The following CCDC191 variants were observed in gnomAD, a reference collection of about 807,000 sequenced individuals.
CCDC191 encodes coiled-coil domain-containing protein 191.
CCDC191 carries 99 observed loss-of-function variants against 114.0 expected under a neutral mutation model. The observed-to-expected ratio is 0.87, with a 90% CI of 0.74 to 1.03. The LOEUF (loss-of-function observed/expected upper bound fraction) is 1.03. CCDC191 is among the 50% of genes least tolerant of loss of function. CCDC191 has a pLI of 0.00. For missense variants in CCDC191, 973 were observed against 1,087.0 expected (o/e 0.90, Z 1.47); for synonymous variants, 351 against 376.0 (o/e 0.93, Z 0.77).
chr3:114,019,163 A>T (rs2076209121), intron 7 of CCDC191, among the ~76,000 whole-genome samples: 1 of 152,220 alleles, frequency 6.6e-6, no homozygotes. Flanking sequence ...CTATGACATG[A>T]ACCAAGGGGC....
chr3:114,018,086 T>C (rs996748153), intron 8 of CCDC191, among the ~76,000 whole-genome samples: 2 of 152,164 alleles, frequency 1.3e-5, no homozygotes, highest in African/African-American at 2.4e-5. Flanking sequence ...GAACAAAAGA[T>C]GGTAGAGTGG....
chr3:114,031,582 T>C, intron 7 of CCDC191, 44 bp downstream of exon 7: 5 of 1,523,428 alleles, frequency 3.3e-6, no homozygotes, highest in Non-Finnish European at 4.5e-6. Context: ...CTCTTTGTCA[T>C]TTATACTACA....
intron 13 of CCDC191, among the ~76,000 whole-genome samples, chr3:113,994,230 G>T (rs952851953): frequency 2.0e-5 from 3 of 152,146 alleles, no homozygotes; most frequent in Admixed American, 1.3e-4. Flanking sequence ...ATGGACAAAA[G>T]ATCTGAACAG....
chr3:114,047,717 G>T (rs533396921), intron 2 of CCDC191, among the ~76,000 whole-genome samples: 1 of 152,202 alleles, frequency 6.6e-6, no homozygotes, highest in Non-Finnish European at 1.5e-5. Context: ...GGCTCATGCT[G>T]TAATCCCAGC....
At chr3:113,989,549 ACTT>A (rs1474158845) in intron 13 of CCDC191, among the ~76,000 whole-genome samples, 1 of 152,236 alleles carries the variant, frequency 6.6e-6, no homozygotes, top group Non-Finnish European at 1.5e-5. Context: ...TAAAGAATAA[ACTT>A]CTTAATAACC....
chr3:113,971,683 C>T (rs1209849574), intron 16 of CCDC191, among the ~76,000 whole-genome samples: 3 of 151,902 alleles, frequency 2.0e-5, no homozygotes, highest in Admixed American at 6.6e-5. Flanking sequence ...TAATGCTGGC[C>T]TGATAGAATA....
intron 16 of CCDC191, among the ~76,000 whole-genome samples, chr3:113,969,362 AG>A (rs1374564237): frequency 2.0e-5 from 3 of 152,126 alleles, no homozygotes; most frequent in African/African-American, 7.2e-5. Context: ...ATGTAATCCC[AG>A]TTGTCTATTT....
chr3:114,018,734 G>C lies in CCDC191; in HGVS notation c.1107C>G (p.Phe369Leu), dbSNP rs2076201509. Residue 369 changes from phenylalanine to leucine, a missense_variant, in exon 8 of 17, where the codon TTC becomes TTG. Transcript: ENST00000295878. Reference protein sequence around the residue: ...VLRAWRDYTRFQKLERETQAL... With the variant: ...VLRAWRDYTRLQKLERETQAL... ...CTTGAGTCTCCCGCTCCAACTTCTG[G>C]AATCTTGTGTAGTCTCTCCAGGCCC... is the stretch of plus-strand genomic sequence containing the variant. 6.2e-7 allele frequency: 1 copy of C among 1,612,846 alleles called. No individual in the cohort carries two copies. The highest frequency in any genetic ancestry group is 1.7e-5 in the Admixed American group (1 of 59,856).
intron 13 of CCDC191, among the ~76,000 whole-genome samples, chr3:113,982,380 A>G (rs962728019): frequency 6.6e-6 from 1 of 152,148 alleles, no homozygotes; most frequent in Non-Finnish European, 1.5e-5. Flanking sequence ...TATTTCATTA[A>G]TATTACCACA....
chr3:113,978,819 A>G, intron 15 of CCDC191, 39 bp downstream of exon 15: 1 of 1,586,688 alleles, frequency 6.3e-7, no homozygotes, highest in Non-Finnish European at 8.6e-7. Flanking sequence ...AGAATTGAGC[A>G]ATGAGATGTA....
chr3:113,984,034 C>G (rs952595258), intron 13 of CCDC191: 1 of 152,172 alleles, frequency 6.6e-6, no homozygotes, highest in Non-Finnish European at 1.5e-5. Flanking sequence ...TGTCTTGCCT[C>G]TGTACCACCT....
intron 3 of CCDC191, among the ~76,000 whole-genome samples, chr3:114,044,474 A>G (rs1293276225): frequency 6.6e-6 from 1 of 152,236 alleles, no homozygotes; most frequent in Non-Finnish European, 1.5e-5. Flanking sequence ...CTTCATCATT[A>G]TGATGATCAT....
At chr3:113,966,083 G>A (rs549632578) in intron 16 of CCDC191, among the ~76,000 whole-genome samples, 58 of 152,182 alleles carry the variant, frequency 3.8e-4, no homozygotes, top group Non-Finnish European at 7.5e-4. Context: ...AACCCTCAAC[G>A]CAAAAATGAT....
chr3:114,056,255 A>G, intron 1 of CCDC191, 122 bp downstream of exon 1: 3 of 907,752 alleles, frequency 3.3e-6, no homozygotes, highest in South Asian at 1.5e-5. Flanking sequence ...TGGGGCGGTC[A>G]AGGCAGGGGC....
At position 114,042,730 on chromosome 3, in the gene CCDC191, CAT is replaced by C; in HGVS notation, c.386_387del (p.Asn129ArgfsTer6). ...TCAAACTTGTCATATTTCAAATGGC[CAT>C]TGGCTTCCGGCATAATAGTGACACT... ...VSSVTIMPEA[N>X]GHLKYDKFDD... On this transcript the variant is annotated frameshift_variant, in exon 4 of 17. Coordinates refer to ENST00000295878, the MANE Select transcript of CCDC191 (RefSeq NM_020817.2). LOFTEE classifies it high-confidence loss of function. The C allele has an allele frequency of 6.3e-7, 1 of 1,585,850 alleles. No individual in the cohort carries two copies. The highest frequency in any genetic ancestry group is 8.5e-7 in the Non-Finnish European group (1 of 1,170,302).
chr3:114,000,881 T>C (rs1355033961), intron 13 of CCDC191, among the ~76,000 whole-genome samples: 1 of 152,092 alleles, frequency 6.6e-6, no homozygotes, highest in East Asian at 1.9e-4. Flanking sequence ...CTCAAACTCC[T>C]GGGCTCAAGC....
At position 113,965,153 on chromosome 3, in the gene CCDC191, G is replaced by A; in HGVS notation, c.*2C>T. 1 of 1,587,740 alleles carries A rather than the reference G, an allele frequency of 6.3e-7. No homozygotes were observed. Among genetic ancestry groups the A allele is most frequent in the Non-Finnish European group, 8.6e-7 (1 of 1,165,240 alleles). On this transcript the variant is annotated 3_prime_UTR_variant, in exon 17 of 17. Coordinates refer to ENST00000295878, the MANE Select transcript of CCDC191 (RefSeq NM_020817.2). Reference sequence around the variant, plus strand: ...CTGTCCTAAATATTACACTAATCTGGCTCATTCGTTCACCAGACTTGTCTT... The same window carrying A: ...CTGTCCTAAATATTACACTAATCTGACTCATTCGTTCACCAGACTTGTCTT...
chr3:113,998,330 GTTAACTATAAAAC>G (rs2075777912), intron 13 of CCDC191, among the ~76,000 whole-genome samples: 2 of 130,992 alleles, frequency 1.5e-5, no homozygotes, highest in Non-Finnish European at 3.3e-5. Context: ...AAAAAAAAAA[GTTAACTATAAAAC>G]AGCCTCAGGC....
intron 7 of CCDC191, among the ~76,000 whole-genome samples, chr3:114,020,919 A>C (rs2076234676): frequency 6.6e-6 from 1 of 152,094 alleles, no homozygotes; most frequent in Admixed American, 6.6e-5. Flanking sequence ...TACGTGTACT[A>C]TTTTTATTAA....
Sources: gnomAD v4.1 joint callset for allele counts (sites outside exome capture counted in the v4.1 genomes callset) on GRCh38, gnomAD v4.1.1 for gene constraint, MANE v1.5 for transcripts, NCBI Gene and HGNC (gene_info 2026-07-23, HGNC 2026-07-21) for gene names.